GHITM: variants seen among roughly 807,000 people sequenced by gnomAD.
GHITM encodes growth hormone-inducible transmembrane protein.
In GHITM, 24 loss-of-function variants were observed where a neutral mutation model predicts 38.7. That is an observed-to-expected ratio of 0.62 (90% CI 0.45 to 0.87). The LOEUF (loss-of-function observed/expected upper bound fraction) is 0.87, where lower values mean the gene tolerates loss of function less well. Among genes scored for constraint, GHITM ranks in the 40% least tolerant of loss-of-function variants. The pLI is 0.00. For synonymous variants in GHITM, 154 were observed against 147.8 expected (o/e 1.04, Z -0.30); for missense variants, 420 against 429.8 (o/e 0.98, Z 0.20).
chr10:84,139,544 G>GTGCT lies in GHITM; in HGVS notation c.-89_-88insTGCT, dbSNP rs1841483688. The GTGCT allele has an allele frequency of 6.6e-6, 1 of 152,322 alleles. No homozygotes were observed. The highest frequency in any genetic ancestry group is 6.5e-5 in the Admixed American group (1 of 15,292). The allele number at this position is 152,322 out of a possible 1,614,324, so 9.4% of individuals were successfully genotyped here. A position where few individuals can be genotyped will look rare whatever the true frequency, so the allele number is the denominator to read the frequency against. ...AGGAACTGTGCTCTTTGAGGCCGAC[G>GTGCT]CTAGGGGCCCGGAAGGGAAACTGCG... is the stretch of plus-strand genomic sequence containing the variant. On this transcript the variant is annotated 5_prime_UTR_variant, in exon 1 of 9. Transcript: ENST00000372134.
intron 7 of GHITM, 144 bp downstream of exon 7, chr10:84,150,387 C>G: frequency 1.5e-6 from 1 of 657,348 alleles, no homozygotes; most frequent in Middle Eastern, 4.4e-4. Context: ...TACTACCTGA[C>G]ATCATATAAA....
chr10:84,150,805 A>C lies in GHITM; in HGVS notation c.878A>C (p.Tyr293Ser). 1.2e-6 allele frequency: 2 copies of C among 1,610,956 alleles called. No homozygotes were observed. Among genetic ancestry groups the C allele is most frequent in the Non-Finnish European group, 1.7e-6 (2 of 1,177,226 alleles). Residue 293 changes from tyrosine to serine, a missense_variant, in exon 8 of 9, where the codon TAT becomes TCT. Transcript: ENST00000372134. ...GLVLFSMFLL[Y>S]DTQKVIKRAE... Reference sequence around the variant, plus strand: ...GTTCTTTTCAGCATGTTCCTTCTGTATGATACCCAGAAAGTAATCAAGCGT... The same window carrying C: ...GTTCTTTTCAGCATGTTCCTTCTGTCTGATACCCAGAAAGTAATCAAGCGT...
intron 5 of GHITM, among the ~76,000 whole-genome samples, chr10:84,148,295 T>A (rs989851400): frequency 3.4e-5 from 5 of 147,514 alleles, no homozygotes; most frequent in African/African-American, 5.4e-5. Context: ...TTTTTTATTT[T>A]TTATTTTTTT....
At chr10:84,141,690 G>T in intron 2 of GHITM, 61 bp downstream of exon 2, 1 of 1,507,894 alleles carries the variant, frequency 6.6e-7, no homozygotes. Context: ...TTTCTTTTTG[G>T]CAGAGTATGG....
chr10:84,149,383 G>C (rs1367025074), intron 6 of GHITM, among the ~76,000 whole-genome samples: 1 of 152,112 alleles, frequency 6.6e-6, no homozygotes, highest in Non-Finnish European at 1.5e-5. Context: ...AGCTAGTATT[G>C]AAAATTCAGT....
chr10:84,142,179 A>G (rs1411854158), intron 2 of GHITM, among the ~76,000 whole-genome samples: 21 of 152,222 alleles, frequency 1.4e-4, no homozygotes, highest in Non-Finnish European at 2.4e-4. Context: ...GTTGAAAAAG[A>G]GCCACAATGG....
At chr10:84,145,501 T>C (rs1841548671) in intron 5 of GHITM, among the ~76,000 whole-genome samples, 1 of 152,226 alleles carries the variant, frequency 6.6e-6, no homozygotes. Context: ...CATTTTTGTC[T>C]AGCAGCAGAT....
chr10:84,141,765 C>T, intron 2 of GHITM, 136 bp downstream of exon 2: 1 of 774,098 alleles, frequency 1.3e-6, no homozygotes, highest in Non-Finnish European at 2.2e-6. Context: ...AGCTCTTTCT[C>T]CCCATTAGTT....
Position 84,141,618 on chromosome 10 carries a change from A to C in GHITM, c.118A>C (p.Thr40Pro), listed in dbSNP as rs1841507535. The C allele has an allele frequency of 1.2e-6, 2 of 1,613,932 alleles. No homozygotes were observed. The highest frequency in any genetic ancestry group is 3.3e-5 in the Admixed American group (2 of 60,024). Residue 40 changes from threonine to proline, a missense_variant, in exon 2 of 9, where the codon ACA becomes CCA. Coordinates refer to ENST00000372134, the MANE Select transcript of GHITM (RefSeq NM_014394.3). ...NSITKNQWLL[T>P]PSREYATKTR... is the part of the protein sequence containing the mutation. ...CATCACGAAGAATCAATGGCTGTTA[A>C]CACCTAGCAGGGTAAAGATAATCTG...
intron 8 of GHITM, among the ~76,000 whole-genome samples, chr10:84,151,216 C>T (rs1474019006): frequency 1.3e-5 from 2 of 152,152 alleles, no homozygotes; most frequent in Non-Finnish European, 2.9e-5. Flanking sequence ...GGTGCTCTTC[C>T]TGTGTACCAG....
At chr10:84,143,185 C>T (rs1420088840) in intron 3 of GHITM, among the ~76,000 whole-genome samples, 1 of 152,182 alleles carries the variant, frequency 6.6e-6, no homozygotes, top group Non-Finnish European at 1.5e-5. Context: ...GAGGGCAGTA[C>T]TTTAATATAT....
chr10:84,148,693 T>C, intron 5 of GHITM, 37 bp from the exon 6 acceptor site: 1 of 1,284,702 alleles, frequency 7.8e-7, no homozygotes, highest in African/African-American at 1.5e-5. Context: ...TGTTTTCATA[T>C]AAAGATCAGT....
chr10:84,149,709 T>C (rs947484465), intron 6 of GHITM, among the ~76,000 whole-genome samples: 2 of 152,230 alleles, frequency 1.3e-5, no homozygotes, highest in African/African-American at 2.4e-5. Flanking sequence ...CCTTGAGTTA[T>C]TTGTTTTAAG....
chr10:84,145,044 T>C, intron 5 of GHITM, 28 bp downstream of exon 5: 1 of 1,563,484 alleles, frequency 6.4e-7, no homozygotes, highest in Non-Finnish European at 8.7e-7. Context: ...GTTTTCCTTT[T>C]TCATCTAAAG....
chr10:84,147,278 A>G (rs761713366), intron 5 of GHITM, among the ~76,000 whole-genome samples: 2 of 152,206 alleles, frequency 1.3e-5, no homozygotes, highest in Non-Finnish European at 2.9e-5. Context: ...GTTTTTTAAA[A>G]ATAGAGACTA....
chr10:84,148,477 A>G (rs990385667), intron 5 of GHITM, among the ~76,000 whole-genome samples: 17 of 152,178 alleles, frequency 1.1e-4, no homozygotes, highest in East Asian at 3.9e-4. Flanking sequence ...TTGTATTTGT[A>G]GTAGAGACAG....
chr10:84,144,878 T>A lies in GHITM; in HGVS notation c.345T>A (p.Ile115=). Reference sequence around the variant, plus strand: ...AATCATGTCATGTTTCTTACAGAATTTGGCCTCAGTATGTCAAGGATAGAA... The same window carrying A: ...AATCATGTCATGTTTCTTACAGAATATGGCCTCAGTATGTCAAGGATAGAA... ...NEIGAIEKAV[I]WPQYVKDRIH... The change falls in exon 5 of 9, where the codon ATT becomes ATA. Residue 115 remains isoleucine, a synonymous_variant. Coordinates refer to ENST00000372134, the MANE Select transcript of GHITM (RefSeq NM_014394.3). 6.4e-7 allele frequency: 1 copy of A among 1,570,000 alleles called. No homozygotes were observed.
intron 7 of GHITM, 146 bp from the exon 8 acceptor site, chr10:84,150,563 A>G: frequency 3.2e-6 from 2 of 626,888 alleles, no homozygotes; most frequent in Non-Finnish European, 5.4e-6. Flanking sequence ...AACTAATGCA[A>G]ATAAGATTAG....
chr10:84,144,818 C>G, intron 4 of GHITM, 57 bp from the exon 5 acceptor site: 1 of 1,318,910 alleles, frequency 7.6e-7, no homozygotes, highest in South Asian at 1.4e-5. Context: ...TAGTGTGTGA[C>G]TCAACCAGAA....
Sources: gnomAD v4.1 joint callset for allele counts (sites outside exome capture counted in the v4.1 genomes callset) on GRCh38, gnomAD v4.1.1 for gene constraint, MANE v1.5 for transcripts, NCBI Gene and HGNC (gene_info 2026-07-23, HGNC 2026-07-21) for gene names.